Variants in TEC observed in about 807,000 individuals in gnomAD.
The protein encoded by TEC is tec protein tyrosine kinase.
A neutral mutation model predicts 93.0 loss-of-function variants in TEC; 72 were observed. The observed-to-expected ratio is 0.77, with a 90% CI of 0.64 to 0.94. The LOEUF (loss-of-function observed/expected upper bound fraction) is 0.94, where lower values mean the gene tolerates loss of function less well. Among genes scored for constraint, TEC ranks in the 40% least tolerant of loss-of-function variants. The pLI is 0.00. For missense variants in TEC, 630 were observed against 757.9 expected (o/e 0.83, Z 1.98); for synonymous variants, 249 against 247.7 (o/e 1.01, Z -0.05).
At chr4:48,220,463 T>C (rs1474886983) in intron 2 of TEC, among the ~76,000 whole-genome samples, 4 of 152,000 alleles carry the variant, frequency 2.6e-5, no homozygotes, top group East Asian at 3.9e-4. Flanking sequence ...TCTGAGTTCA[T>C]GTGAGATCTG....
intron 10 of TEC, among the ~76,000 whole-genome samples, 168 bp downstream of exon 10, chr4:48,150,694 GA>G (rs1720120984): frequency 6.6e-6 from 1 of 152,110 alleles, no homozygotes; most frequent in Non-Finnish European, 1.5e-5. Context: ...GAAAATTACT[GA>G]AAATATAAAT....
intron 8 of TEC, among the ~76,000 whole-genome samples, chr4:48,159,131 G>A (rs1398776489): frequency 6.6e-6 from 1 of 151,378 alleles, no homozygotes; most frequent in Non-Finnish European, 1.5e-5. Context: ...CTCCTGTCAG[G>A]AATAACTATA....
At chr4:48,200,151 GA>G (rs1302811778) in intron 2 of TEC, among the ~76,000 whole-genome samples, 1 of 152,176 alleles carries the variant, frequency 6.6e-6, no homozygotes, top group East Asian at 1.9e-4. Context: ...AAACCTGAAA[GA>G]GGGGGAGAAG....
chr4:48,254,384 CAG>C (rs1451873355), intron 1 of TEC, among the ~76,000 whole-genome samples: 1 of 152,160 alleles, frequency 6.6e-6, no homozygotes, highest in Admixed American at 6.5e-5. Flanking sequence ...TAGGCTACAG[CAG>C]AGAGAGCTAC....
chr4:48,228,882 T>G (rs1723564650), intron 1 of TEC, among the ~76,000 whole-genome samples: 1 of 152,248 alleles, frequency 6.6e-6, no homozygotes, highest in Admixed American at 6.5e-5. Context: ...GAGAAAAATC[T>G]AATCAAGGTT....
intron 8 of TEC, among the ~76,000 whole-genome samples, chr4:48,161,796 T>C (rs1291501795): frequency 6.6e-6 from 1 of 152,106 alleles, no homozygotes; most frequent in African/African-American, 2.4e-5. Context: ...GGGCACAATC[T>C]AATCAGCTGC....
chr4:48,176,883 T>C (rs907739521), intron 2 of TEC, among the ~76,000 whole-genome samples: 1 of 152,200 alleles, frequency 6.6e-6, no homozygotes, highest in Non-Finnish European at 1.5e-5. Context: ...CAATCACACA[T>C]GCAACTTCCA....
chr4:48,193,761 C>T (rs1364104002), intron 2 of TEC, among the ~76,000 whole-genome samples: 4 of 145,946 alleles, frequency 2.7e-5, no homozygotes, highest in African/African-American at 7.8e-5. Flanking sequence ...GTCCAGTAAG[C>T]ACTTCATGTG....
At chr4:48,181,188 A>C (rs534356026) in intron 2 of TEC, among the ~76,000 whole-genome samples, 38 of 152,160 alleles carry the variant, frequency 2.5e-4, no homozygotes, top group Non-Finnish European at 4.0e-4. Flanking sequence ...TGAAAGTTAA[A>C]ATATGGGTCC....
chr4:48,262,195 A>C (rs912545745), intron 1 of TEC, among the ~76,000 whole-genome samples: 1 of 28,736 alleles, frequency 3.5e-5, no homozygotes, highest in Non-Finnish European at 9.8e-5. Flanking sequence ...TTGTGACCAA[A>C]TGTCTCTTTT....
intron 1 of TEC, among the ~76,000 whole-genome samples, chr4:48,234,293 G>C (rs1051703151): frequency 2.0e-5 from 3 of 152,126 alleles, no homozygotes; most frequent in African/African-American, 4.8e-5. Flanking sequence ...AAGCTACTTG[G>C]GGATGTAGCC....
intron 2 of TEC, among the ~76,000 whole-genome samples, 164 bp from the exon 3 acceptor site, chr4:48,176,350 CTGTGATTAT>C (rs142206440): frequency 0.036 from 5,536 of 152,216 alleles, 332 homozygotes; most frequent in African/African-American, 0.13. Context: ...AATACTAACA[CTGTGATTAT>C]TGTAATCAAA....
intron 2 of TEC, among the ~76,000 whole-genome samples, chr4:48,203,485 C>T (rs917387020): frequency 3.3e-5 from 5 of 152,168 alleles, no homozygotes; most frequent in South Asian, 4.1e-4. Flanking sequence ...ATGCATACTG[C>T]GCAGACCATT....
intron 1 of TEC, among the ~76,000 whole-genome samples, chr4:48,238,616 G>A (rs1298161233): frequency 1.3e-5 from 2 of 151,254 alleles, no homozygotes; most frequent in Non-Finnish European, 2.9e-5. Context: ...TGCTGCCCTA[G>A]GAATAGTTGT....
chr4:48,239,981 A>AGTGT (rs5858109), intron 1 of TEC, among the ~76,000 whole-genome samples: 12,487 of 149,510 alleles, frequency 0.084, 680 homozygotes, highest in East Asian at 0.23. Context: ...TTGCTCTGTG[A>AGTGT]GTGTGTGTGT....
At chr4:48,137,525 T>C in intron 17 of TEC, 26 bp from the exon 18 acceptor site, 1 of 1,605,858 alleles carries the variant, frequency 6.2e-7, no homozygotes, top group Non-Finnish European at 8.5e-7. Context: ...AAAGAGAAGC[T>C]GTGGGTTCCA....
chr4:48,168,751 C>T (rs1345988489), intron 5 of TEC, 125 bp from the exon 6 acceptor site: 1 of 903,454 alleles, frequency 1.1e-6, no homozygotes, highest in Admixed American at 2.6e-5. Flanking sequence ...CTCTGACCAA[C>T]TCTGGTGTAT....
At chr4:48,241,132 T>C (rs184421662) in intron 1 of TEC, among the ~76,000 whole-genome samples, 55 of 152,282 alleles carry the variant, frequency 3.6e-4, no homozygotes, top group South Asian at 1.2e-3. Context: ...AGGAAGTAAA[T>C]TGATAATGAA....
At chr4:48,182,501 C>T (rs1321636292) in intron 2 of TEC, among the ~76,000 whole-genome samples, 1 of 151,044 alleles carries the variant, frequency 6.6e-6, no homozygotes, top group Non-Finnish European at 1.5e-5. Context: ...CAACAGTGTG[C>T]TGACCCAGTA....
Sources: allele counts gnomAD v4.1 joint callset (sites outside exome capture counted in the v4.1 genomes callset), GRCh38; gene constraint gnomAD v4.1.1; transcripts MANE v1.5; gene names NCBI Gene and HGNC (gene_info 2026-07-23, HGNC 2026-07-21).